USH2A: variants seen among roughly 807,000 people sequenced by gnomAD.
The protein encoded by USH2A is usherin, also known as Usher syndrome 2A (autosomal recessive, mild).
A neutral mutation model predicts 538.9 loss-of-function variants in USH2A; 443 were observed. That is an observed-to-expected ratio of 0.82 (90% CI 0.76 to 0.89). USH2A has a LOEUF of 0.89. Ranked by LOEUF, USH2A falls within the 40% of genes least tolerant of loss-of-function variation. USH2A has a pLI of 0.00. For missense variants in USH2A, 6,633 were observed against 6,324.8 expected, an observed-to-expected ratio of 1.05 and a Z score of -1.65; for synonymous variants, 2,413 against 2,273.5, an observed-to-expected ratio of 1.06 and a Z score of -1.75.
At position 215,675,168 on chromosome 1, in the gene USH2A, T is replaced by A. The variant is rs145830318; in HGVS notation, c.12743A>T (p.His4248Leu). The change falls in exon 63 of 72, where the codon CAT becomes CTT. Residue 4248 changes from histidine (H) to leucine (L), a missense_variant. By Grantham distance (99) the His-to-Leu change is moderately conservative. Transcript: ENST00000307340. ...YKIYTWNSAGHTCSSWNVVRT... is the reference protein window; with the variant it reads ...YKIYTWNSAGLTCSSWNVVRT... ...CACCACATTCCAAGAGCTACAGGTATGCCCAGCTGAATTCCAAGTGTAGAT... is the reference window on the plus strand; with the variant it reads ...CACCACATTCCAAGAGCTACAGGTAAGCCCAGCTGAATTCCAAGTGTAGAT... 7.4e-6 allele frequency: 12 copies of A among 1,613,996 alleles called. No homozygotes were observed. The Admixed American group carries it at 2.0e-4, about 27-fold the overall frequency.
intron 3 of USH2A, among the ~76,000 whole-genome samples, chr1:216,398,440 C>G (rs577314194): frequency 1.3e-5 from 2 of 152,082 alleles, no homozygotes; most frequent in South Asian, 4.1e-4. Flanking sequence ...TTTTCCTAGA[C>G]AGAAGATCAG....
At chr1:216,085,245 T>G in intron 24 of USH2A, 1 of 255,622 alleles carries the variant, frequency 3.9e-6, no homozygotes, top group South Asian at 4.8e-5. Context: ...ATTTAATATA[T>G]AGTTTACAGT....
chr1:216,420,066 C>T (rs2039649563), intron 2 of USH2A, among the ~76,000 whole-genome samples: 1 of 152,160 alleles, frequency 6.6e-6, no homozygotes, highest in East Asian at 1.9e-4. Context: ...AATTCTACTG[C>T]AAATTATATT....
In USH2A at chr1:215,784,919, G is replaced by A. The variant is rs953056552; in HGVS notation, c.10387+1751C>T. ...TCAAAATCTTGATCTTGATTACAAG[G>A]GGCAGATAAAAGTAGAGAACTCTCT... On this transcript the variant is annotated intron_variant, in intron 52 of 71. Transcript: ENST00000307340. Among the ~76,000 whole-genome samples the A allele has an allele frequency of 3.9e-5, 6 of 152,020 alleles. 1 individual carries two copies. The highest frequency in any genetic ancestry group is 3.9e-4 in the Admixed American group (6 of 15,242).
chr1:216,299,018 A>G lies in USH2A; in HGVS notation c.1645-6648T>C, dbSNP rs551174488. On this transcript the variant is annotated intron_variant, in intron 9 of 71. Coordinates refer to ENST00000307340, the MANE Select transcript of USH2A (RefSeq NM_206933.4). ...ACCACGCCCGGCTAATTTGTTTTGT[A>G]TTTTTAGTAGAGACGGGGTTTCACC... 5.9e-4 allele frequency among the ~76,000 whole-genome samples: 89 copies of G among 152,036 alleles called. No homozygotes were observed. In the South Asian group the frequency reaches 6.4e-3, roughly 11 times the overall value.
Position 216,073,097 on chromosome 1 carries a change from C to T in USH2A, c.5776G>A (p.Glu1926Lys), listed in dbSNP as rs1404685640. 3.1e-6 allele frequency: 5 copies of T among 1,613,758 alleles called. No homozygotes were observed. The highest frequency in any genetic ancestry group is 4.2e-6 in the Non-Finnish European group (5 of 1,179,922). ...VYEGGLQPFT[E>K]YLYRVIASHE... ...TTAATTTAGAGGACCTCCACATTAC[C>T]TGTAAAAGGCTGGAGACCACCCTCG... The change falls in exon 28 of 72, where the codon GAA becomes AAA. Residue 1926 changes from glutamate (E) to lysine (K), a missense_variant and splice_region_variant. Transcript: ENST00000307340.
intron 32 of USH2A, among the ~76,000 whole-genome samples, chr1:216,017,241 A>G (rs1668736117): frequency 2.6e-5 from 4 of 151,994 alleles, no homozygotes; most frequent in South Asian, 4.2e-4. Flanking sequence ...ATCTACACAC[A>G]CATACAAAAA....
At chr1:216,340,082 A>C (rs2038047638) in intron 4 of USH2A, among the ~76,000 whole-genome samples, 1 of 151,210 alleles carries the variant, frequency 6.6e-6, no homozygotes, top group Admixed American at 6.6e-5. Flanking sequence ...CAAACAAACA[A>C]AATAGACTGC....
intron 44 of USH2A, among the ~76,000 whole-genome samples, chr1:215,857,905 C>T (rs1265306751): frequency 1.3e-5 from 2 of 152,144 alleles, no homozygotes; most frequent in African/African-American, 4.8e-5. Flanking sequence ...TCTGACTTCC[C>T]ATCCCACTGT....
intron 32 of USH2A, among the ~76,000 whole-genome samples, chr1:216,035,171 T>A (rs1178036384): frequency 1.3e-5 from 2 of 152,100 alleles, no homozygotes; most frequent in East Asian, 1.9e-4. Context: ...AGCACTAGAG[T>A]TACACGTTGA....
chr1:215,966,699 G>GA (rs928478802), intron 36 of USH2A, among the ~76,000 whole-genome samples: 1 of 152,062 alleles, frequency 6.6e-6, no homozygotes, highest in African/African-American at 2.4e-5. Context: ...AACTAGGCCA[G>GA]AAAAATATCA....
chr1:215,707,295 G>A (rs1659208981), intron 61 of USH2A, among the ~76,000 whole-genome samples: 1 of 152,190 alleles, frequency 6.6e-6, no homozygotes, highest in African/African-American at 2.4e-5. Context: ...CCACTTCTGA[G>A]AGCCCAGGCG....
At chr1:215,697,294 T>C (rs183695521) in intron 61 of USH2A, among the ~76,000 whole-genome samples, 1,805 of 152,158 alleles carry the variant, frequency 0.012, 28 homozygotes, top group South Asian at 0.016. Flanking sequence ...ATAACATGGC[T>C]AAAGATTACT....
intron 59 of USH2A, among the ~76,000 whole-genome samples, chr1:215,742,973 A>C (rs1660348438): frequency 6.6e-6 from 1 of 152,160 alleles, no homozygotes; most frequent in Non-Finnish European, 1.5e-5. Flanking sequence ...TAATATATTT[A>C]AATATTTATG....
At chr1:215,637,063 G>A (rs1571921178) in intron 69 of USH2A, among the ~76,000 whole-genome samples, 3 of 152,156 alleles carry the variant, frequency 2.0e-5, no homozygotes, top group East Asian at 2.0e-4. Context: ...TCACATGGGA[G>A]GTTCACTGTC....
intron 38 of USH2A, among the ~76,000 whole-genome samples, chr1:215,912,990 C>T (rs973860019): frequency 8.5e-5 from 13 of 152,232 alleles, no homozygotes; most frequent in Non-Finnish European, 1.2e-4. Flanking sequence ...TGCTAAGTGC[C>T]AGGCTGGGAT....
intron 30 of USH2A, among the ~76,000 whole-genome samples, chr1:216,065,788 T>C (rs1390779874): frequency 6.6e-6 from 1 of 152,102 alleles, no homozygotes; most frequent in Non-Finnish European, 1.5e-5. Context: ...TCCCAGCTAC[T>C]TGGGAGGCCA....
At chr1:215,853,818 C>T (rs1308337868) in intron 44 of USH2A, among the ~76,000 whole-genome samples, 1 of 152,222 alleles carries the variant, frequency 6.6e-6, no homozygotes, top group Non-Finnish European at 1.5e-5. Flanking sequence ...TTCCTCATCT[C>T]CATCTGAGAC....
At chr1:216,250,310 T>C (rs2036133368) in intron 12 of USH2A, among the ~76,000 whole-genome samples, 1 of 152,192 alleles carries the variant, frequency 6.6e-6, no homozygotes, top group Admixed American at 6.5e-5. Context: ...AGCTGTTTAT[T>C]ATAATCAACT....
Sources: gnomAD v4.1 joint callset for allele counts (sites outside exome capture counted in the v4.1 genomes callset) on GRCh38, gnomAD v4.1.1 for gene constraint, MANE v1.5 for transcripts, NCBI Gene and HGNC (gene_info 2026-07-23, HGNC 2026-07-21) for gene names.